The following RB1 variants were observed in gnomAD, a reference collection of about 807,000 sequenced individuals.
The protein encoded by RB1 is RB transcriptional corepressor 1, also known as retinoblastoma-associated protein.
A neutral mutation model predicts 135.4 loss-of-function variants in RB1; 18 were observed. That is an observed-to-expected ratio of 0.13 (90% CI 0.09 to 0.20). RB1 has a LOEUF of 0.20. Ranked by LOEUF, RB1 falls within the 10% of genes least tolerant of loss-of-function variation. The pLI, the probability that RB1 is intolerant of heterozygous loss-of-function variation, is 1.00. For missense variants in RB1, 868 were observed against 1,110.0 expected (o/e 0.78, Z 3.10); for synonymous variants, 365 against 373.2 (o/e 0.98, Z 0.25).
At position 48,332,349 on chromosome 13, in the gene RB1, G is replaced by A. The variant is rs141301490; in HGVS notation, c.265-10250G>A. ...GTTTGGAGACCAAGATAGGAGGATT[G>A]CTTTAGGCCAGAGTTAGAGACCAAC... On this transcript the variant is annotated intron_variant, in intron 2 of 26. Coordinates refer to ENST00000267163, the MANE Select transcript of RB1 (RefSeq NM_000321.3). Among the ~76,000 whole-genome samples the A allele has an allele frequency of 5.6e-3, 846 of 152,294 alleles. 5 individuals are homozygous for A. The highest frequency in any genetic ancestry group is 0.01 in the Middle Eastern group (3 of 294).
At chr13:48,368,488 A>ATTTTT (rs1418510035) in intron 10 of RB1, 39 bp from the exon 11 acceptor site, 9 of 1,610,850 alleles carry the variant, frequency 5.6e-6, no homozygotes, top group African/African-American at 1.3e-5. Flanking sequence ...CAAATTGTAA[A>ATTTTT]TTTTCAGTAT....
At chr13:48,400,367 A>T (rs528889560) in intron 17 of RB1, among the ~76,000 whole-genome samples, 3 of 152,262 alleles carry the variant, frequency 2.0e-5, no homozygotes, top group African/African-American at 4.8e-5. Flanking sequence ...CTGGTTGGTG[A>T]CAGAGCCAGA....
chr13:48,428,809 A>G (rs1422541916), intron 17 of RB1, among the ~76,000 whole-genome samples: 1 of 152,240 alleles, frequency 6.6e-6, no homozygotes, highest in East Asian at 1.9e-4. Context: ...CTGCTTTCAA[A>G]TAATTAGAAC....
intron 12 of RB1, among the ~76,000 whole-genome samples, chr13:48,375,456 A>G (rs902267131): frequency 2.0e-5 from 3 of 150,170 alleles, no homozygotes; most frequent in African/African-American, 7.3e-5. Context: ...TGTTTGTTAT[A>G]TGTTTCTAAG....
Position 48,388,433 on chromosome 13 carries a change from A to G in RB1, c.1695+6990A>G, listed in dbSNP as rs996985344. On this transcript the variant is annotated intron_variant, in intron 17 of 26. Transcript: ENST00000267163. ...ACTTAGGAAAGAAATCTAGGCTAAG[A>G]TTATGGACCATAAAAAATGCCACCC... is the stretch of plus-strand genomic sequence containing the variant. 3.3e-5 allele frequency among the ~76,000 whole-genome samples: 5 copies of G among 152,204 alleles called. No homozygotes were observed. The East Asian group carries it at 9.6e-4, about 29-fold the overall frequency.
intron 17 of RB1, among the ~76,000 whole-genome samples, chr13:48,388,144 G>A (rs1948584582): frequency 6.6e-6 from 1 of 152,116 alleles, no homozygotes; most frequent in Non-Finnish European, 1.5e-5. Flanking sequence ...TTCATGTAAA[G>A]TACTTAAAAC....
chr13:48,398,166 GA>G (rs1213846567), intron 17 of RB1, among the ~76,000 whole-genome samples: 4 of 152,094 alleles, frequency 2.6e-5, no homozygotes, highest in African/African-American at 9.7e-5. Flanking sequence ...AGCTTCTCAT[GA>G]ATTACCTAAA....
At chr13:48,466,784 G>A (rs1345750936) in intron 23 of RB1, among the ~76,000 whole-genome samples, 1,206 of 82,538 alleles carry the variant, frequency 0.015, 19 homozygotes, top group African/African-American at 0.046. Flanking sequence ...GAGCCAATGC[G>A]ATCAACTGGA....
At chr13:48,345,021 C>G in intron 3 of RB1, 59 bp from the exon 4 acceptor site, 1 of 1,554,294 alleles carries the variant, frequency 6.4e-7, no homozygotes, top group Non-Finnish European at 8.8e-7. Flanking sequence ...GATTTGAAAA[C>G]GAAATAACAC....
intron 2 of RB1, among the ~76,000 whole-genome samples, chr13:48,339,126 C>T (rs1952415790): frequency 6.6e-6 from 1 of 152,112 alleles, no homozygotes; most frequent in African/African-American, 2.4e-5. Context: ...GGTCAGGGAC[C>T]CACTTGAGGA....
intron 17 of RB1, chr13:48,404,111 T>C (rs71432983): frequency 0.012 from 1,761 of 152,318 alleles, 16 homozygotes; most frequent in Non-Finnish European, 0.019. Flanking sequence ...TGAAGCCCCA[T>C]GCTGTTGTGC....
At chr13:48,317,588 C>T (rs1952197283) in intron 2 of RB1, 1 of 435,014 alleles carries the variant, frequency 2.3e-6, no homozygotes, top group South Asian at 2.3e-5. Flanking sequence ...GCATGCTCGG[C>T]CCCTCGTGAG....
intron 8 of RB1, 95 bp downstream of exon 8, chr13:48,363,052 T>G: frequency 1.4e-6 from 2 of 1,462,812 alleles, no homozygotes; most frequent in East Asian, 2.4e-5. Flanking sequence ...TGAGCATGTT[T>G]TTTTTGTAAT....
chr13:48,349,796 A>T (rs560984760), intron 6 of RB1, among the ~76,000 whole-genome samples: 2 of 152,224 alleles, frequency 1.3e-5, no homozygotes, highest in South Asian at 4.1e-4. Flanking sequence ...CCTACAAGAA[A>T]CACACTTTGC....
intron 17 of RB1, among the ~76,000 whole-genome samples, chr13:48,389,094 A>G (rs1282229634): frequency 6.6e-6 from 1 of 152,120 alleles, no homozygotes; most frequent in Non-Finnish European, 1.5e-5. Context: ...CGGGAGGCGG[A>G]GGTTGAGTGA....
chr13:48,340,711 GTTAT>G, intron 2 of RB1: 3 of 172,180 alleles, frequency 1.7e-5, no homozygotes, highest in Middle Eastern at 4.8e-3. Flanking sequence ...GGTAGTTGGG[GTTAT>G]TTATTAAAGA....
intron 17 of RB1, among the ~76,000 whole-genome samples, chr13:48,449,554 G>C (rs750472729): frequency 2.6e-5 from 4 of 151,894 alleles, no homozygotes; most frequent in Admixed American, 1.3e-4. Context: ...TCAAAATTTT[G>C]TATCTCCAGC....
chr13:48,457,464 G>A (rs1329382369), intron 19 of RB1, among the ~76,000 whole-genome samples: 1 of 152,160 alleles, frequency 6.6e-6, no homozygotes, highest in Non-Finnish European at 1.5e-5. Context: ...GTACATGGGC[G>A]GCCACTAGTG....
intron 2 of RB1, among the ~76,000 whole-genome samples, chr13:48,321,259 TG>T (rs999893040): frequency 6.6e-6 from 1 of 151,892 alleles, no homozygotes; most frequent in African/African-American, 2.4e-5. Context: ...ACTCCCTTTT[TG>T]ATATTCCACA....
Sources: gnomAD v4.1 joint callset for allele counts (sites outside exome capture counted in the v4.1 genomes callset) on GRCh38, gnomAD v4.1.1 for gene constraint, MANE v1.5 for transcripts, NCBI Gene and HGNC (gene_info 2026-07-23, HGNC 2026-07-21) for gene names.